The following EFR3A variants were observed in gnomAD, a reference collection of about 807,000 sequenced individuals.
EFR3A encodes protein EFR3 homolog A.
Under a neutral mutation model 104.4 loss-of-function variants are expected in EFR3A, and 76 were observed. The ratio of observed to expected loss-of-function variants is 0.73; its 90% CI spans 0.60 to 0.88. The LOEUF (loss-of-function observed/expected upper bound fraction) is 0.88. Among genes scored for constraint, EFR3A ranks in the 40% least tolerant of loss-of-function variants. EFR3A has a pLI of 0.00. For synonymous variants in EFR3A, 330 were observed against 330.0 expected, an observed-to-expected ratio of 1.00 and a Z score of 0.00; for missense variants, 985 against 1,012.5, an observed-to-expected ratio of 0.97 and a Z score of 0.37.
chr8:132,007,219 G>GT (rs1822097932), intron 22 of EFR3A, among the ~76,000 whole-genome samples: 1 of 151,856 alleles, frequency 6.6e-6, no homozygotes, highest in Non-Finnish European at 1.5e-5. Context: ...ACATGGTTGT[G>GT]TATGTGGAAA....
At chr8:131,933,632 CAATA>C (rs1182552621) in intron 1 of EFR3A, among the ~76,000 whole-genome samples, 15 of 151,514 alleles carry the variant, frequency 9.9e-5, no homozygotes, top group African/African-American at 3.6e-4. Context: ...AATTTTTTTC[CAATA>C]AATATGATAA....
intron 2 of EFR3A, 45 bp from the exon 3 acceptor site, chr8:131,944,700 A>G: frequency 6.7e-7 from 1 of 1,496,014 alleles, no homozygotes; most frequent in Non-Finnish European, 8.9e-7. Context: ...AAATATAATA[A>G]GCATGAAAAT....
At chr8:131,966,767 G>A (rs77304563) in intron 8 of EFR3A, among the ~76,000 whole-genome samples, 5,464 of 152,154 alleles carry the variant, frequency 0.036, 192 homozygotes, top group African/African-American at 0.093. Flanking sequence ...GTCTTAAAGC[G>A]ATTCATCTGT....
chr8:131,961,642 A>G (rs528536895), intron 8 of EFR3A, among the ~76,000 whole-genome samples: 7 of 152,218 alleles, frequency 4.6e-5, no homozygotes, highest in Non-Finnish European at 1.0e-4. Context: ...ACTGCAGGAT[A>G]TTATCCAGGA....
intron 18 of EFR3A, among the ~76,000 whole-genome samples, chr8:131,991,771 A>G (rs1015762477): frequency 6.6e-6 from 1 of 152,152 alleles, no homozygotes; most frequent in East Asian, 1.9e-4. Context: ...GTCTCAAGAA[A>G]GTGAAAGGAA....
chr8:131,982,390 T>A (rs1586647965), intron 14 of EFR3A, among the ~76,000 whole-genome samples: 1 of 152,264 alleles, frequency 6.6e-6, no homozygotes, highest in Admixed American at 6.5e-5. Flanking sequence ...TCTTTTGTTG[T>A]CAGACATTTG....
intron 19 of EFR3A, chr8:132,000,727 C>T (rs1019665691): frequency 4.6e-5 from 7 of 152,094 alleles, no homozygotes; most frequent in African/African-American, 1.7e-4. Context: ...AAATAATTGA[C>T]CAGCCAGAGC....
intron 9 of EFR3A, among the ~76,000 whole-genome samples, chr8:131,969,000 A>T (rs1249328658): frequency 6.6e-6 from 1 of 152,192 alleles, no homozygotes; most frequent in East Asian, 1.9e-4. Flanking sequence ...AATGTGCTAT[A>T]GGATAATTTT....
At chr8:131,997,077 CGTTTCAAAAAAGCACAAGA>C in intron 19 of EFR3A, among the ~76,000 whole-genome samples, 1 of 151,956 alleles carries the variant, frequency 6.6e-6, no homozygotes, top group Non-Finnish European at 1.5e-5. Context: ...GCTCTCCTCC[CGTTTCAAAAAAGCACAAGA>C]GTGTACCCTC....
chr8:131,921,122 C>A (rs975318001), intron 1 of EFR3A, among the ~76,000 whole-genome samples: 6 of 152,110 alleles, frequency 3.9e-5, no homozygotes, highest in Admixed American at 2.6e-4. Flanking sequence ...GTTTGCTGAG[C>A]TGTTGTAACA....
intron 19 of EFR3A, among the ~76,000 whole-genome samples, chr8:132,000,230 G>A (rs1423733525): frequency 6.6e-6 from 1 of 152,108 alleles, no homozygotes; most frequent in Non-Finnish European, 1.5e-5. Flanking sequence ...CCGGGTTCAC[G>A]CCATTCTCCT....
chr8:132,005,966 A>G (rs2130814566), intron 22 of EFR3A, among the ~76,000 whole-genome samples: 1 of 152,364 alleles, frequency 6.6e-6, no homozygotes, highest in Non-Finnish European at 1.5e-5. Flanking sequence ...ACACATATCT[A>G]GAAAAATTTC....
intron 19 of EFR3A, among the ~76,000 whole-genome samples, chr8:132,001,462 C>T (rs1821777342): frequency 6.6e-6 from 1 of 152,166 alleles, no homozygotes; most frequent in African/African-American, 2.4e-5. Flanking sequence ...CATCACAGTA[C>T]TGGGACTGAG....
At chr8:131,904,447 G>A in intron 1 of EFR3A, 125 bp downstream of exon 1, 1 of 959,966 alleles carries the variant, frequency 1.0e-6, no homozygotes, top group Non-Finnish European at 1.4e-6. Context: ...GGAAGTGTCT[G>A]CGAGCGGCGG....
intron 21 of EFR3A, 122 bp from the exon 22 acceptor site, chr8:132,003,114 G>T: frequency 1.3e-6 from 1 of 758,610 alleles, no homozygotes; most frequent in Admixed American, 2.8e-5. Context: ...AAAGCATTGT[G>T]TACTTAATAA....
intron 1 of EFR3A, among the ~76,000 whole-genome samples, chr8:131,912,505 T>A (rs188003870): frequency 1.6e-3 from 251 of 152,322 alleles, no homozygotes; most frequent in Middle Eastern, 3.4e-3. Flanking sequence ...GACAGAAGTT[T>A]AGATTGGTAC....
chr8:131,999,679 CT>C (rs578251921), intron 19 of EFR3A, among the ~76,000 whole-genome samples: 19 of 150,466 alleles, frequency 1.3e-4, no homozygotes, highest in South Asian at 8.4e-4. Context: ...TCATTAAATG[CT>C]AGTATAAAGC....
chr8:131,908,920 G>A (rs1816380078), intron 1 of EFR3A, among the ~76,000 whole-genome samples: 2 of 152,324 alleles, frequency 1.3e-5, no homozygotes, highest in South Asian at 4.1e-4. Context: ...TTCATACAGT[G>A]TGTAACAATC....
intron 4 of EFR3A, 80 bp downstream of exon 4, chr8:131,946,713 T>A: frequency 7.5e-7 from 1 of 1,329,158 alleles, no homozygotes; most frequent in Non-Finnish European, 9.9e-7. Context: ...TGACTTTACC[T>A]GGTAAAGGCA....
Sources: gnomAD v4.1 joint callset for allele counts (sites outside exome capture counted in the v4.1 genomes callset) on GRCh38, gnomAD v4.1.1 for gene constraint, MANE v1.5 for transcripts, NCBI Gene and HGNC (gene_info 2026-07-23, HGNC 2026-07-21) for gene names.